Variants in GTPBP10 observed in about 807,000 individuals in gnomAD.
The protein encoded by GTPBP10 is GTP-binding protein 10.
GTPBP10 carries 38 observed loss-of-function variants against 44.8 expected under a neutral mutation model. That is an observed-to-expected ratio of 0.85 (90% CI 0.65 to 1.11). The LOEUF (loss-of-function observed/expected upper bound fraction) is 1.11, where lower values mean the gene tolerates loss of function less well. Among genes scored for constraint, GTPBP10 ranks in the 50% most tolerant of loss-of-function variants. GTPBP10 has a pLI of 0.00. For synonymous variants in GTPBP10, 152 were observed against 150.6 expected, an observed-to-expected ratio of 1.01 and a Z score of -0.07; for missense variants, 462 against 453.7, an observed-to-expected ratio of 1.02 and a Z score of -0.17.
At chr7:90,360,608 A>C (rs1254732458) in intron 4 of GTPBP10, among the ~76,000 whole-genome samples, 2 of 152,126 alleles carry the variant, frequency 1.3e-5, no homozygotes, top group African/African-American at 4.8e-5. Flanking sequence ...CTTAGGATTG[A>C]CTTGGCAATG....
At chr7:90,379,805 A>G (rs372963878) in intron 8 of GTPBP10, among the ~76,000 whole-genome samples, 27 of 152,142 alleles carry the variant, frequency 1.8e-4, no homozygotes, top group African/African-American at 5.5e-4. Context: ...GTATGTTCCA[A>G]TTTTTCCACA....
intron 2 of GTPBP10, 21 bp from the exon 3 acceptor site, chr7:90,354,433 CATAT>C (rs767503119): frequency 2.0e-5 from 25 of 1,238,398 alleles, no homozygotes; most frequent in Non-Finnish European, 2.9e-5. Context: ...CACATACATA[CATAT>C]ATATACTTTT....
chr7:90,352,308 G>A (rs2115605750), intron 1 of GTPBP10, among the ~76,000 whole-genome samples: 1 of 152,314 alleles, frequency 6.6e-6, no homozygotes, highest in African/African-American at 2.4e-5. Context: ...GAAGAGTTTG[G>A]TTTTGTTATG....
At chr7:90,365,520 C>A (rs6955587) in intron 4 of GTPBP10, among the ~76,000 whole-genome samples, 64,272 of 148,802 alleles carry the variant, frequency 0.43, 14,796 homozygotes, top group East Asian at 0.63. Flanking sequence ...GGACTACAGG[C>A]GCCCGCCACT....
intron 8 of GTPBP10, among the ~76,000 whole-genome samples, chr7:90,381,207 A>T (rs1348614982): frequency 6.6e-6 from 1 of 152,188 alleles, no homozygotes; most frequent in African/African-American, 2.4e-5. Flanking sequence ...AGAAATCTTT[A>T]TACTGCTTTT....
At chr7:90,361,971 G>C (rs1288401593) in intron 4 of GTPBP10, among the ~76,000 whole-genome samples, 9 of 152,152 alleles carry the variant, frequency 5.9e-5, no homozygotes, top group Admixed American at 5.9e-4. Flanking sequence ...GGGATCAGTG[G>C]TGATATCCCC....
At chr7:90,355,519 T>C (rs42665) in intron 4 of GTPBP10, among the ~76,000 whole-genome samples, 136,096 of 152,198 alleles carry the variant, frequency 0.89, 61,056 homozygotes, top group East Asian at 1. Context: ...TATTACAAGA[T>C]GGTTAAATAA....
intron 4 of GTPBP10, among the ~76,000 whole-genome samples, chr7:90,365,088 A>G (rs1403177955): frequency 1.3e-5 from 2 of 152,300 alleles, no homozygotes; most frequent in South Asian, 2.1e-4. Flanking sequence ...AAGTGAGGCA[A>G]TGCCTTGCCC....
chr7:90,370,335 A>AGT (rs33997739), intron 4 of GTPBP10, among the ~76,000 whole-genome samples: 7,840 of 149,204 alleles, frequency 0.053, 293 homozygotes, highest in African/African-American at 0.1. Context: ...AAGAAAATTG[A>AGT]GTGTGTGTGT....
rs1796268738 is a variant in GTPBP10 at position 90,372,168 on chromosome 7, G to A, written c.478G>A (p.Gly160Arg). ...TTCTTGTTTCAGATTCCCAAATGCT[G>A]GAAAATCCTCTTTGCTAAGTTGTGT... is the stretch of plus-strand genomic sequence containing the variant. ...DVGLVGFPNAGKSSLLSCVSH... is the reference protein window; with the variant it reads ...DVGLVGFPNARKSSLLSCVSH... Residue 160 changes from glycine (G) to arginine (R), a missense_variant, in exon 5 of 10, where the codon GGA (glycine) becomes AGA (arginine). Transcript: ENST00000222511. 3 of 1,601,756 alleles carry A rather than the reference G, an allele frequency of 1.9e-6. No homozygotes were observed. The East Asian group carries it at 6.7e-5, about 36-fold the overall frequency.
intron 4 of GTPBP10, among the ~76,000 whole-genome samples, chr7:90,359,358 T>A (rs1261669880): frequency 6.6e-6 from 1 of 152,100 alleles, no homozygotes; most frequent in Non-Finnish European, 1.5e-5. Flanking sequence ...GTGTTCCTTG[T>A]TCAGCTCCCA....
chr7:90,374,500 C>A, intron 6 of GTPBP10, 146 bp downstream of exon 6: 1 of 584,942 alleles, frequency 1.7e-6, no homozygotes, highest in Non-Finnish European at 3.0e-6. Flanking sequence ...TGAAACTGGT[C>A]AAATTAATTC....
At chr7:90,364,321 A>G (rs971326994) in intron 4 of GTPBP10, among the ~76,000 whole-genome samples, 2 of 152,080 alleles carry the variant, frequency 1.3e-5, no homozygotes, top group African/African-American at 4.8e-5. Context: ...TTTGGTGTGG[A>G]TGTCCTTTCT....
rs985753201 is a variant in GTPBP10, at chr7:90,385,529, C to T, written c.*375C>T. On this transcript the variant is annotated 3_prime_UTR_variant, in exon 10 of 10. Coordinates refer to ENST00000222511, the MANE Select transcript of GTPBP10 (RefSeq NM_033107.4). The stretch of plus-strand genomic sequence containing the variant: ...CCAAAAAAGCACATAAGGTAATGCA[C>T]GTTAATTAGCTATATTGAGCCATTC... 8.8e-5 allele frequency: 14 copies of T among 159,714 alleles called. No homozygotes were observed. Among genetic ancestry groups the T allele is most frequent in the Middle Eastern group, 3.1e-3 (1 of 324 alleles). The allele number at this position is 159,714 out of a possible 1,614,324, so 9.9% of individuals were successfully genotyped here. A position where few individuals can be genotyped will look rare whatever the true frequency, so the allele number is the denominator to read the frequency against.
In GTPBP10 at chr7:90,388,220, CAA is replaced by C. The variant is rs1796559172; in HGVS notation, c.*3068_*3069del. On this transcript the variant is annotated 3_prime_UTR_variant, in exon 10 of 10. Transcript: ENST00000222511. Reference sequence around the variant, plus strand: ...TATCTTATAAAAAATAATTTTGAAACAAAGACTTATTTTGAAGTAAGTCTTTT... The same window carrying C: ...TATCTTATAAAAAATAATTTTGAAACAGACTTATTTTGAAGTAAGTCTTTT... 6.6e-6 allele frequency: 1 copy of C among 152,048 alleles called. No individual in the cohort carries two copies. The highest frequency in any genetic ancestry group is 1.5e-5 in the Non-Finnish European group (1 of 67,986). The allele number at this position is 152,048 out of a possible 1,614,324, so 9.4% of individuals were successfully genotyped here. A position where few individuals can be genotyped will look rare whatever the true frequency, so the allele number is the denominator to read the frequency against.
rs1027606736 is a variant in GTPBP10 at position 90,390,564 on chromosome 7, G to A, written c.*5410G>A. The A allele has an allele frequency of 5.3e-5, 8 of 152,168 alleles. No homozygotes were observed. Among genetic ancestry groups the A allele is most frequent in the Non-Finnish European group, 1.2e-4 (8 of 68,026 alleles). 9.4% of individuals were successfully genotyped at this position (152,168 alleles called of 1,614,324 possible). ...GAAGCATAGCTGTTATCCAAGTCGT[G>A]TGCCTTTGAAATACTTGGAATTTGA... is the stretch of plus-strand genomic sequence containing the variant. On this transcript the variant is annotated 3_prime_UTR_variant, in exon 10 of 10. Coordinates refer to ENST00000222511, the MANE Select transcript of GTPBP10 (RefSeq NM_033107.4).
At position 90,355,528 on chromosome 7, in the gene GTPBP10, A is replaced by G. The variant is rs190992020; in HGVS notation, c.464+298A>G. ...ATGCAATATTACAAGATGGTTAAATAATGTTACCAGATATTAATAATAAAT... is the reference window on the plus strand; with the variant it reads ...ATGCAATATTACAAGATGGTTAAATGATGTTACCAGATATTAATAATAAAT... On this transcript the variant is annotated intron_variant, in intron 4 of 9. Coordinates refer to ENST00000222511, the MANE Select transcript of GTPBP10 (RefSeq NM_033107.4). Among the ~76,000 whole-genome samples, 11 of 152,324 alleles carry G rather than the reference A, an allele frequency of 7.2e-5. No individual in the cohort carries two copies. In the East Asian group the frequency reaches 2.1e-3, roughly 29 times the overall value.
chr7:90,361,188 G>C (rs1406082954), intron 4 of GTPBP10, among the ~76,000 whole-genome samples: 1 of 152,186 alleles, frequency 6.6e-6, no homozygotes, highest in Non-Finnish European at 1.5e-5. Flanking sequence ...GAAGTGGCGA[G>C]AGAGGGCATC....
chr7:90,358,094 T>A (rs2115642654), intron 4 of GTPBP10, among the ~76,000 whole-genome samples: 1 of 152,260 alleles, frequency 6.6e-6, no homozygotes, highest in African/African-American at 2.4e-5. Flanking sequence ...ACTCTCAGGT[T>A]ACAAAATCAG....
Sources: allele counts gnomAD v4.1 joint callset (sites outside exome capture counted in the v4.1 genomes callset), GRCh38; gene constraint gnomAD v4.1.1; transcripts MANE v1.5; gene names NCBI Gene and HGNC (gene_info 2026-07-23, HGNC 2026-07-21).